Variants in PABIR3 observed in about 807,000 individuals in gnomAD.
PABIR3 encodes PABIR family member 3, also known as PABIR family member 1.
A neutral mutation model predicts 23.1 loss-of-function variants in PABIR3; 20 were observed. That is an observed-to-expected ratio of 0.86 (90% CI 0.61 to 1.26). The LOEUF is 1.26. PABIR3 is among the 50% of genes most tolerant of loss of function. PABIR3 has a pLI of 0.00. For synonymous variants in PABIR3, 69 were observed against 68.5 expected, an observed-to-expected ratio of 1.01 and a Z score of -0.04; for missense variants, 189 against 195.4, an observed-to-expected ratio of 0.97 and a Z score of 0.20.
intron 1 of PABIR3, among the ~76,000 whole-genome samples, chrX:134,798,921 CA>C (rs1014058401): frequency 1.8e-5 from 2 of 112,020 alleles, no homozygotes; most frequent in Admixed American, 9.5e-5. Flanking sequence ...AAAAGGCAAA[CA>C]AACAAACAAA....
intron 4 of PABIR3, among the ~76,000 whole-genome samples, chrX:134,836,962 G>A (rs897349219): frequency 1.8e-5 from 2 of 111,396 alleles, no homozygotes; most frequent in African/African-American, 6.5e-5. Flanking sequence ...CCAGTGACTT[G>A]AGAGGCCAAA....
intron 1 of PABIR3, among the ~76,000 whole-genome samples, chrX:134,797,789 C>G (rs946499658): frequency 9.2e-6 from 1 of 109,222 alleles, no homozygotes; most frequent in African/African-American, 3.4e-5. Flanking sequence ...ACAATCATGC[C>G]TCAGCGTGGG....
chrX:134,854,273 G>A lies in PABIR3; in HGVS notation c.*56G>A. The A allele has an allele frequency of 8.7e-7, 1 of 1,149,352 alleles. No individual in the cohort carries two copies. The highest frequency in any genetic ancestry group is 1.2e-6 in the Non-Finnish European group (1 of 859,112). 94.7% of individuals were successfully genotyped at this position (1,149,352 alleles called of 1,213,427 possible). A position where few individuals can be genotyped will look rare whatever the true frequency, so the allele number is the denominator to read the frequency against. On this transcript the variant is annotated 3_prime_UTR_variant, in exon 11 of 11. Transcript: ENST00000645433. Reference sequence around the variant, plus strand: ...ATCCCAAGACTTTCTCACCAGTGGAGAAACACACACATCAAGCAAACCAAG... The same window carrying A: ...ATCCCAAGACTTTCTCACCAGTGGAAAAACACACACATCAAGCAAACCAAG...
chrX:134,847,940 C>A lies in PABIR3; in HGVS notation c.496C>A (p.Pro166Thr). The A allele has an allele frequency of 8.7e-7, 1 of 1,154,037 alleles. No individual in the cohort carries two copies. The highest frequency in any genetic ancestry group is 1.8e-5 in the African/African-American group (1 of 56,228). Reference protein sequence around the residue: ...CVSCTGSPSSPIPSPMQQYII... With the variant: ...CVSCTGSPSSTIPSPMQQYII... The stretch of plus-strand genomic sequence containing the variant: ...GAGTTGCACTGGTTCGCCTTCAAGT[C>A]CTATTCCCAGTCCTATGCAACAATA... Residue 166 changes from proline to threonine, a missense_variant, in exon 8 of 11, where the codon CCT becomes ACT. By Grantham distance (38) the Pro-to-Thr change is conservative (BLOSUM62 -1). Transcript: ENST00000645433.
Position 134,854,120 on chromosome X carries a change from A to G in PABIR3, c.716A>G (p.Asp239Gly). 8.3e-7 allele frequency: 1 copy of G among 1,211,218 alleles called. No homozygotes were observed. Among genetic ancestry groups the G allele is most frequent in the Non-Finnish European group, 1.1e-6 (1 of 895,303 alleles). ...CTTCCAGCTACTTTTGATGGAAACG[A>G]CAGCAATGCTGGATCTTCTGGTAAT... ...YLLPATFDGNDSNAGSSGNSS... is the reference protein window; with the variant it reads ...YLLPATFDGNGSNAGSSGNSS... Residue 239 changes from aspartate to glycine, a missense_variant, in exon 11 of 11, where the codon GAC becomes GGC. Transcript: ENST00000645433.
At chrX:134,799,213 T>C (rs2079996565) in intron 1 of PABIR3, among the ~76,000 whole-genome samples, 1 of 111,989 alleles carries the variant, frequency 8.9e-6, no homozygotes, top group Admixed American at 9.5e-5. Flanking sequence ...ATTTTCAAGA[T>C]GAAATATTTT....
upstream of PABIR3, among the ~76,000 whole-genome samples, chrX:134,806,343 C>T (rs1948334304): frequency 9.0e-6 from 1 of 111,523 alleles, no homozygotes; most frequent in Admixed American, 9.5e-5. Flanking sequence ...GAGGCAGGCG[C>T]GGTGGCTCAC....
At chrX:134,829,413 G>T (rs1006410670) in intron 4 of PABIR3, 131 bp downstream of exon 4, 8 of 487,700 alleles carry the variant, frequency 1.6e-5, no homozygotes, top group African/African-American at 1.2e-4. Flanking sequence ...TTCTAGGAAT[G>T]ATTTCTTCAA....
At chrX:134,809,987 G>C (rs1193128916) in intron 2 of PABIR3, 1 of 753,126 alleles carries the variant, frequency 1.3e-6, no homozygotes. Flanking sequence ...CTGAGAACAA[G>C]AACATTTTAT....
intron 2 of PABIR3, chrX:134,810,466 T>C (rs1375882834): frequency 1.3e-6 from 1 of 752,568 alleles, no homozygotes; most frequent in Non-Finnish European, 1.6e-6. Context: ...GTCCAGGGAC[T>C]CTAGTCTGTC....
downstream of PABIR3, among the ~76,000 whole-genome samples, chrX:134,855,120 A>G (rs1427238013): frequency 1.8e-5 from 2 of 110,165 alleles, no homozygotes; most frequent in Admixed American, 9.7e-5. Flanking sequence ...TTTTTTAAAT[A>G]GGAAAAATTA....
chrX:134,825,698 G>T (rs1325395539), intron 3 of PABIR3, among the ~76,000 whole-genome samples: 1 of 110,265 alleles, frequency 9.1e-6, no homozygotes, highest in Non-Finnish European at 1.9e-5. Flanking sequence ...AGTCAGTCTT[G>T]CTCTGTCATC....
At chrX:134,841,007 G>A (rs921618676) in intron 4 of PABIR3, among the ~76,000 whole-genome samples, 6 of 110,691 alleles carry the variant, frequency 5.4e-5, no homozygotes, top group Non-Finnish European at 1.1e-4. Context: ...TTGCCAGGCT[G>A]GAGTGCAGTG....
chrX:134,800,420 C>T (rs779002062), intron 1 of PABIR3, among the ~76,000 whole-genome samples: 33 of 111,040 alleles, frequency 3.0e-4, no homozygotes, highest in Admixed American at 3.8e-4. Flanking sequence ...GAGATCACGC[C>T]ACTGCACTCA....
chrX:134,858,536 A>G (rs956152698), downstream of PABIR3, among the ~76,000 whole-genome samples: 12 of 111,927 alleles, frequency 1.1e-4, no homozygotes, highest in Admixed American at 2.9e-4. Flanking sequence ...TGCATGTATG[A>G]TACTTAGGTA....
At chrX:134,858,020 T>A (rs1006532881), downstream of PABIR3, among the ~76,000 whole-genome samples, 1 of 111,496 alleles carries the variant, frequency 9.0e-6, no homozygotes, top group African/African-American at 3.2e-5. Flanking sequence ...AGATAGTCTA[T>A]CATAACATGA....
chrX:134,837,737 A>G (rs1489003729), intron 4 of PABIR3, among the ~76,000 whole-genome samples: 1 of 112,273 alleles, frequency 8.9e-6, no homozygotes, highest in Non-Finnish European at 1.9e-5. Context: ...ACAACCTTCA[A>G]TAGCTGATTT....
rs748307380 is a variant in PABIR3 at position 134,800,097 on chromosome X, G to A, written c.-98+3233G>A. Among the ~76,000 whole-genome samples the A allele has an allele frequency of 1.1e-4, 12 of 107,734 alleles. No homozygotes were observed. In the South Asian group the frequency reaches 3.7e-3, roughly 33 times the overall value. The allele number at this position is 107,734 out of a possible 115,157, so 93.6% of individuals were successfully genotyped here. Reference sequence around the variant, plus strand: ...CGGTGGATCACGAGGTCAGGAGTTCGAGACCAGCCTGGCCAACATGGTGAA... The same window carrying A: ...CGGTGGATCACGAGGTCAGGAGTTCAAGACCAGCCTGGCCAACATGGTGAA... On this transcript the variant is annotated intron_variant, in intron 1 of 4. Transcript: ENST00000414371.
chrX:134,859,548 A>G (rs1161122041), downstream of PABIR3, among the ~76,000 whole-genome samples: 1 of 111,586 alleles, frequency 9.0e-6, no homozygotes, highest in East Asian at 2.8e-4. Flanking sequence ...ATTGTACTGT[A>G]ACAACAACTT....
Sources: allele counts gnomAD v4.1 joint callset (sites outside exome capture counted in the v4.1 genomes callset), GRCh38; gene constraint gnomAD v4.1.1; transcripts MANE v1.5; gene names NCBI Gene and HGNC (gene_info 2026-07-23, HGNC 2026-07-21).